EZH2: variants seen among roughly 807,000 people sequenced by gnomAD.
EZH2 encodes histone-lysine N-methyltransferase EZH2.
A neutral mutation model predicts 98.4 loss-of-function variants in EZH2; 18 were observed. That is an observed-to-expected ratio of 0.18 (90% CI 0.13 to 0.27). The LOEUF (loss-of-function observed/expected upper bound fraction) is 0.27, where lower values mean the gene tolerates loss of function less well. EZH2 is among the 10% of genes least tolerant of loss of function. The pLI, the probability that EZH2 is intolerant of heterozygous loss-of-function variation, is 1.00. For synonymous variants in EZH2, 338 were observed against 312.3 expected (o/e 1.08, Z -0.87); for missense variants, 470 against 935.1 (o/e 0.50, Z 6.49).
chr7:148,862,744 C>G (rs1242539378), intron 1 of EZH2, among the ~76,000 whole-genome samples: 3 of 152,162 alleles, frequency 2.0e-5, no homozygotes, highest in Non-Finnish European at 2.9e-5. Context: ...CAACTGCATG[C>G]ACGCAAGGAT....
At chr7:148,857,889 T>C (rs1817076379) in intron 1 of EZH2, among the ~76,000 whole-genome samples, 2 of 151,874 alleles carry the variant, frequency 1.3e-5, no homozygotes, top group South Asian at 4.1e-4. Flanking sequence ...TTAGAAGTGA[T>C]AACAGAAACA....
At chr7:148,876,444 T>C (rs1820181997) in intron 1 of EZH2, among the ~76,000 whole-genome samples, 2 of 152,208 alleles carry the variant, frequency 1.3e-5, no homozygotes, top group Admixed American at 1.3e-4. Flanking sequence ...GTGCTTTTTA[T>C]TGTATGTAAA....
rs1365163847 is a variant in EZH2, at chr7:148,818,055, A to G, written c.1062T>C (p.Arg354=). The G allele has an allele frequency of 3.7e-6, 6 of 1,613,994 alleles. No homozygotes were observed. Among genetic ancestry groups the G allele is most frequent in the Non-Finnish European group, 5.1e-6 (6 of 1,179,988 alleles). The change falls in exon 10 of 20, where the codon CGT becomes CGC. Residue 354 remains arginine, a synonymous_variant. Transcript: ENST00000320356. ...TAERIKTPPK[R]PGGRRRGRLP... ...GCCGTCCTCTTCTGCGGCCTCCTGG[A>G]CGTTTTGGTGGGGTCTTTATCCGCT...
At chr7:148,883,714 C>T (rs1821372040) in intron 1 of EZH2, among the ~76,000 whole-genome samples, 1 of 151,810 alleles carries the variant, frequency 6.6e-6, no homozygotes, top group Non-Finnish European at 1.5e-5. Flanking sequence ...TGAGTGCGGA[C>T]TCGGCGGCTG....
At chr7:148,842,387 T>C (rs1812680189) in intron 3 of EZH2, among the ~76,000 whole-genome samples, 1 of 152,158 alleles carries the variant, frequency 6.6e-6, no homozygotes, top group Non-Finnish European at 1.5e-5. Flanking sequence ...AGTTTCTTCA[T>C]TAAAAATGGA....
Position 148,808,992 on chromosome 7 carries a change from A to G in EZH2, c.2195+79T>C, listed in dbSNP as rs978968519. 5.0e-6 allele frequency: 6 copies of G among 1,192,784 alleles called. No individual in the cohort carries two copies. In the Admixed American group the frequency reaches 7.8e-5, roughly 15 times the overall value. The allele number at this position is 1,192,784 out of a possible 1,614,324, so 73.9% of individuals were successfully genotyped here. On this transcript the variant is annotated intron_variant, in intron 19 of 19. Coordinates refer to ENST00000320356, the MANE Select transcript of EZH2 (RefSeq NM_004456.5). ...GACCCATCAAAAGAAGCAAAGAACT[A>G]AAAACCCTCCTTTGTCCAGAGTTCA...
chr7:148,807,813 TTAA>T (rs1370260018), intron 19 of EZH2, 107 bp from the exon 20 acceptor site: 146 of 438,416 alleles, frequency 3.3e-4, no homozygotes, highest in South Asian at 6.5e-4. Context: ...TAAAATGTCT[TTAA>T]AAAAAAAAAA....
chr7:148,881,410 G>C (rs978794249), intron 1 of EZH2, among the ~76,000 whole-genome samples: 1 of 152,080 alleles, frequency 6.6e-6, no homozygotes, highest in South Asian at 2.1e-4. Context: ...ATTTGTGCAA[G>C]GCAAAGCTAG....
intron 4 of EZH2, 21 bp downstream of exon 4, chr7:148,832,613 G>A: frequency 8.2e-7 from 1 of 1,222,740 alleles, no homozygotes; most frequent in Non-Finnish European, 1.2e-6. Context: ...CAAATAAGCA[G>A]AAGATATCTT....
At chr7:148,848,910 A>G (rs1288078157) in intron 1 of EZH2, among the ~76,000 whole-genome samples, 1 of 152,122 alleles carries the variant, frequency 6.6e-6, no homozygotes, top group Non-Finnish European at 1.5e-5. Context: ...TCACCTATGC[A>G]TAGCCTCCCA....
intron 1 of EZH2, among the ~76,000 whole-genome samples, chr7:148,882,077 T>C (rs1821082869): frequency 6.6e-6 from 1 of 152,068 alleles, no homozygotes; most frequent in South Asian, 2.1e-4. Flanking sequence ...AGATTATTAA[T>C]AGGATTTTTT....
chr7:148,835,296 G>T (rs747947247), intron 3 of EZH2, among the ~76,000 whole-genome samples: 8 of 151,964 alleles, frequency 5.3e-5, no homozygotes, highest in Non-Finnish European at 1.2e-4. Context: ...GGTAGCACGT[G>T]CCTGTAGTCC....
rs1013170309 is a variant in EZH2 at position 148,816,568 on chromosome 7, A to C, written c.1505+116T>G. On this transcript the variant is annotated intron_variant, in intron 12 of 19. Coordinates refer to ENST00000320356, the MANE Select transcript of EZH2 (RefSeq NM_004456.5). ...ATTCCATAGTTCTGTTTTTGATGGC[A>C]GTTTAAGGTTTTTTAAAAATAGACT... The C allele has an allele frequency of 7.6e-5, 51 of 671,656 alleles. No homozygotes were observed. In the South Asian group the frequency reaches 9.2e-4, roughly 12 times the overall value. 41.6% of individuals were successfully genotyped at this position (671,656 alleles called of 1,614,324 possible).
intron 5 of EZH2, 150 bp downstream of exon 5, chr7:148,829,578 T>C: frequency 1.4e-6 from 1 of 739,390 alleles, no homozygotes. Flanking sequence ...ACTGAAAATC[T>C]TAGGCCTGGG....
Position 148,815,550 on chromosome 7 carries a change from C to A in EZH2, c.1506-4G>T, listed in dbSNP as rs868151227. On this transcript the variant is annotated splice_region_variant and splice_polypyrimidine_tract_variant and intron_variant, in intron 12 of 19. Transcript: ENST00000320356. ...TCTGCAGTGTGCAGCCCACAACCTG[C>A]AAAAACACAAAGAAAATTAAACCAA... 3.1e-6 allele frequency: 5 copies of A among 1,614,010 alleles called. No homozygotes were observed. The Admixed American group carries it at 8.3e-5, about 27-fold the overall frequency.
chr7:148,827,022 C>CT, intron 7 of EZH2, 142 bp downstream of exon 7: 1 of 610,472 alleles, frequency 1.6e-6, no homozygotes, highest in South Asian at 2.6e-5. Context: ...ACCACAAGTA[C>CT]ACATGTTGCT....
intron 1 of EZH2, among the ~76,000 whole-genome samples, chr7:148,855,920 A>G (rs1249703210): frequency 6.6e-6 from 1 of 151,264 alleles, no homozygotes; most frequent in African/African-American, 2.4e-5. Flanking sequence ...AAAAAAAAAA[A>G]AGTAGTGACT....
rs767727122 is a variant in EZH2 at position 148,826,629 on chromosome 7, A to G, written c.732T>C (p.Tyr244=). 37 of 1,478,700 alleles carry G rather than the reference A, an allele frequency of 2.5e-5. No homozygotes were observed. Among genetic ancestry groups the G allele is most frequent in the African/African-American group, 5.6e-5 (4 of 70,882 alleles). The allele number at this position is 1,478,700 out of a possible 1,614,324, so 91.6% of individuals were successfully genotyped here. A position where few individuals can be genotyped will look rare whatever the true frequency, so the allele number is the denominator to read the frequency against. The change falls in exon 8 of 20, where the codon TAT becomes TAC. Residue 244 remains tyrosine, a synonymous_variant. Coordinates refer to ENST00000320356, the MANE Select transcript of EZH2 (RefSeq NM_004456.5). ...KGTAEELKEK[Y]KELTEQQLPG... is the part of the protein sequence containing the mutation. ...GGAGCTGCTGTTCGGTGAGTTCTTT[A>G]TATCTGACATTAACCAAGAAAAATT...
chr7:148,836,875 G>A (rs771888727), intron 3 of EZH2: 6 of 510,948 alleles, frequency 1.2e-5, no homozygotes, highest in South Asian at 9.2e-5. Flanking sequence ...GGGAGCTGGA[G>A]AGGGAAGTCA....
Sources: gnomAD v4.1 joint callset for allele counts (sites outside exome capture counted in the v4.1 genomes callset) on GRCh38, gnomAD v4.1.1 for gene constraint, MANE v1.5 for transcripts, NCBI Gene and HGNC (gene_info 2026-07-23, HGNC 2026-07-21) for gene names.